ECHDC2: variants seen among roughly 807,000 people sequenced by gnomAD.
ECHDC2 encodes enoyl-CoA hydratase domain containing 2.
ECHDC2 carries 34 observed loss-of-function variants against 40.6 expected under a neutral mutation model. The observed-to-expected ratio is 0.84, with a 90% CI of 0.64 to 1.11. The LOEUF is 1.11. Ranked by LOEUF, ECHDC2 falls within the 50% of genes most tolerant of loss-of-function variation. The pLI is 0.00. For missense variants in ECHDC2, 392 were observed against 400.7 expected, an observed-to-expected ratio of 0.98 and a Z score of 0.19; for synonymous variants, 162 against 166.6, an observed-to-expected ratio of 0.97 and a Z score of 0.21.
rs1647431231 is a variant in ECHDC2 at position 52,905,105 on chromosome 1, C to A, written c.458-15G>T. ...TGCCGAGGAAGCTGCTCAGATAGAA[C>A]AAAGTGAGGCCTCCCTCCCCCATCC... On this transcript the variant is annotated splice_polypyrimidine_tract_variant and intron_variant, in intron 5 of 9. Transcript: ENST00000371522. 1.2e-6 allele frequency: 2 copies of A among 1,613,864 alleles called. No homozygotes were observed. Among genetic ancestry groups the A allele is most frequent in the Non-Finnish European group, 1.7e-6 (2 of 1,179,992 alleles).
chr1:52,909,217 A>G (rs1389849145), intron 3 of ECHDC2, among the ~76,000 whole-genome samples: 1 of 152,154 alleles, frequency 6.6e-6, no homozygotes, highest in Non-Finnish European at 1.5e-5. Flanking sequence ...AAAAAGTTAA[A>G]CAGAATTACC....
chr1:52,911,980 T>C, intron 1 of ECHDC2, 190 bp from the exon 2 acceptor site: 2 of 1,429,778 alleles, frequency 1.4e-6, no homozygotes, highest in Non-Finnish European at 1.8e-6. Flanking sequence ...AGAAAAACCC[T>C]TGCTCTTTCT....
chr1:52,920,307 G>A (rs781303335), intron 1 of ECHDC2: 5 of 609,484 alleles, frequency 8.2e-6, no homozygotes, highest in Non-Finnish European at 1.5e-5. Context: ...CAACAGCAGG[G>A]AGCAAGGAAC....
chr1:52,903,322 T>C (rs1647108072), intron 7 of ECHDC2, among the ~76,000 whole-genome samples: 1 of 152,200 alleles, frequency 6.6e-6, no homozygotes, highest in African/African-American at 2.4e-5. Context: ...ATACGTTCTT[T>C]AGTGGTGATT....
In ECHDC2 at chr1:52,896,476, C is replaced by T; in HGVS notation, c.*44G>A. On this transcript the variant is annotated 3_prime_UTR_variant, in exon 10 of 10. Transcript: ENST00000371522. ...CCACAAATCTTCCTTCTGGATCCTG[C>T]TCTTCAGGGCATGCATCTCCCATGC... 6.7e-7 allele frequency: 1 copy of T among 1,488,862 alleles called. No individual in the cohort carries two copies. Among genetic ancestry groups the T allele is most frequent in the Non-Finnish European group, 9.4e-7 (1 of 1,065,698 alleles). The allele number at this position is 1,488,862 out of a possible 1,614,324, so 92.2% of individuals were successfully genotyped here.
intron 4 of ECHDC2, 51 bp downstream of exon 4, chr1:52,907,817 A>G: frequency 6.7e-7 from 1 of 1,502,366 alleles, no homozygotes; most frequent in South Asian, 1.2e-5. Flanking sequence ...CGGGACTGTC[A>G]TCGGCAGGGA....
intron 5 of ECHDC2, 92 bp downstream of exon 5, chr1:52,906,427 C>T (rs530412843): frequency 9.8e-6 from 11 of 1,122,300 alleles, no homozygotes; most frequent in Middle Eastern, 1.9e-4. Flanking sequence ...AAGCCAAGAA[C>T]AGTGGCTGAC....
Position 52,898,997 on chromosome 1 carries a change from T to C in ECHDC2, c.753+177A>G, listed in dbSNP as rs1571907716. 4 of 705,342 alleles carry C rather than the reference T, an allele frequency of 5.7e-6. No homozygotes were observed. In the East Asian group the frequency reaches 8.1e-5, roughly 14 times the overall value. 43.7% of individuals were successfully genotyped at this position (705,342 alleles called of 1,614,324 possible). A position where few individuals can be genotyped will look rare whatever the true frequency, so the allele number is the denominator to read the frequency against. On this transcript the variant is annotated intron_variant, in intron 8 of 9. Coordinates refer to ENST00000371522, the MANE Select transcript of ECHDC2 (RefSeq NM_001198961.2). ...GAGGATAGAATGTAAACAATAATAC[T>C]GTCTGGCCAATTTGCAGATGTGTAA...
chr1:52,906,710 A>G, intron 4 of ECHDC2, 99 bp from the exon 5 acceptor site: 1 of 806,148 alleles, frequency 1.2e-6, no homozygotes, highest in Non-Finnish European at 2.0e-6. Flanking sequence ...CAGAGGCCTC[A>G]GTGGACCCAG....
intron 5 of ECHDC2, chr1:52,906,275 G>A: frequency 1.7e-6 from 1 of 583,066 alleles, no homozygotes. Context: ...CTCTGAGGTT[G>A]GTCAAATATT....
intron 8 of ECHDC2, 143 bp from the exon 9 acceptor site, chr1:52,897,627 C>T: frequency 1.3e-6 from 1 of 782,720 alleles, no homozygotes; most frequent in Admixed American, 2.0e-5. Flanking sequence ...AGAAGAAACA[C>T]CATTCGTAAC....
In ECHDC2 at chr1:52,899,499, T is replaced by G. The variant is rs1646854580; in HGVS notation, c.703-275A>C. ...ACAACATAACTAGTTTACAAAGTGCTTTCCTCCCCCACAGACTCATCTAAT... is the reference window on the plus strand; with the variant it reads ...ACAACATAACTAGTTTACAAAGTGCGTTCCTCCCCCACAGACTCATCTAAT... On this transcript the variant is annotated intron_variant, in intron 7 of 9. Transcript: ENST00000371522. 5 of 480,398 alleles carry G rather than the reference T, an allele frequency of 1.0e-5. No individual in the cohort carries two copies. The East Asian group carries it at 2.0e-4, about 19-fold the overall frequency. 29.8% of individuals were successfully genotyped at this position (480,398 alleles called of 1,614,324 possible).
intron 1 of ECHDC2, among the ~76,000 whole-genome samples, chr1:52,917,854 G>A (rs1651050431): frequency 6.6e-6 from 1 of 152,144 alleles, no homozygotes. Flanking sequence ...CAAAAGCACA[G>A]CACATACAAT....
At chr1:52,897,562 G>T in intron 8 of ECHDC2, 78 bp from the exon 9 acceptor site, 2 of 1,367,154 alleles carry the variant, frequency 1.5e-6, no homozygotes, top group African/African-American at 1.4e-5. Flanking sequence ...CCACCCTATT[G>T]CCTACAGACA....
At chr1:52,908,956 G>GAAAAAAAAAAAAAAA (rs1190885771) in intron 3 of ECHDC2, among the ~76,000 whole-genome samples, 8 of 141,822 alleles carry the variant, frequency 5.6e-5, no homozygotes, top group Admixed American at 6.9e-5. Flanking sequence ...AAAAAAAAAG[G>GAAAAAAAAAAAAAAA]AAAAAGGACT....
At chr1:52,906,713 G>T in intron 4 of ECHDC2, 102 bp from the exon 5 acceptor site, 1 of 792,366 alleles carries the variant, frequency 1.3e-6, no homozygotes, top group Non-Finnish European at 2.0e-6. Flanking sequence ...AGGCCTCAGT[G>T]GACCCAGGTC....
At chr1:52,920,673 A>T (rs1557525308) in intron 1 of ECHDC2, 1 of 665,986 alleles carries the variant, frequency 1.5e-6, no homozygotes, top group East Asian at 2.6e-5. Context: ...CTGCCATAAC[A>T]TCTTTTGCCA....
At chr1:52,910,850 G>GGGTC (rs1205773022) in intron 3 of ECHDC2, among the ~76,000 whole-genome samples, 1 of 152,186 alleles carries the variant, frequency 6.6e-6, no homozygotes, top group Non-Finnish European at 1.5e-5. Flanking sequence ...GACCGTGGTG[G>GGGTC]GGTCCTCAAA....
chr1:52,910,361 T>G (rs946342253), intron 3 of ECHDC2, among the ~76,000 whole-genome samples: 1 of 96,636 alleles, frequency 1.0e-5, no homozygotes, highest in Non-Finnish European at 2.1e-5. Context: ...CGTTTTTTTT[T>G]TTTTTTTTTT....
Sources: gnomAD v4.1 joint callset for allele counts (sites outside exome capture counted in the v4.1 genomes callset) on GRCh38, gnomAD v4.1.1 for gene constraint, MANE v1.5 for transcripts, NCBI Gene and HGNC (gene_info 2026-07-23, HGNC 2026-07-21) for gene names.